ZBTB20: variants seen among roughly 807,000 people sequenced by gnomAD.
The protein encoded by ZBTB20 is zinc finger and BTB domain-containing protein 20.
ZBTB20 carries 9 observed loss-of-function variants against 56.9 expected under a neutral mutation model. The ratio of observed to expected loss-of-function variants is 0.16; its 90% confidence interval spans 0.10 to 0.28. The LOEUF (loss-of-function observed/expected upper bound fraction) is 0.28, where lower values mean the gene tolerates loss of function less well. ZBTB20 is among the 10% of genes least tolerant of loss of function. The pLI is 1.00. For missense variants in ZBTB20, 655 were observed against 1,003.0 expected (o/e 0.65, Z 4.69); for synonymous variants, 417 against 420.7 (o/e 0.99, Z 0.11).
At chr3:115,015,602 G>A (rs1388268449) in intron 2 of ZBTB20, among the ~76,000 whole-genome samples, 2 of 151,812 alleles carry the variant, frequency 1.3e-5, no homozygotes, top group African/African-American at 4.8e-5. Flanking sequence ...AGTTTGCTGA[G>A]GATAATGGCT....
At chr3:114,819,394 T>C (rs75943744) in intron 4 of ZBTB20, among the ~76,000 whole-genome samples, 14,110 of 151,876 alleles carry the variant, frequency 0.093, 690 homozygotes, top group African/African-American at 0.12. Context: ...CAAAGCATTT[T>C]TGAAAAAAGA....
chr3:115,132,406 T>C (rs1188784004), intron 1 of ZBTB20, among the ~76,000 whole-genome samples: 1 of 152,146 alleles, frequency 6.6e-6, no homozygotes. Flanking sequence ...TTCTTACTCA[T>C]TTTTCTAGAT....
At chr3:114,487,096 T>C (rs1439526063) in intron 7 of ZBTB20, among the ~76,000 whole-genome samples, 3 of 152,212 alleles carry the variant, frequency 2.0e-5, no homozygotes, top group African/African-American at 4.8e-5. Context: ...AAGATATATA[T>C]ATGTATATAT....
chr3:114,626,850 C>T (rs972639783), intron 6 of ZBTB20, among the ~76,000 whole-genome samples: 3 of 152,168 alleles, frequency 2.0e-5, no homozygotes, highest in Admixed American at 6.5e-5. Context: ...AGTTGATCAT[C>T]GCAGCCTAAT....
At chr3:114,938,992 C>T (rs2076642510) in intron 3 of ZBTB20, among the ~76,000 whole-genome samples, 1 of 144,636 alleles carries the variant, frequency 6.9e-6, no homozygotes, top group African/African-American at 2.9e-5. Context: ...CAGAAATGTC[C>T]CCGTTCTGGT....
At chr3:115,102,056 C>T (rs551162031) in intron 1 of ZBTB20, among the ~76,000 whole-genome samples, 1 of 152,110 alleles carries the variant, frequency 6.6e-6, no homozygotes, top group Non-Finnish European at 1.5e-5. Flanking sequence ...GGTGGCTAAC[C>T]TACAGCACAG....
At chr3:114,938,045 G>A (rs373675755) in intron 3 of ZBTB20, among the ~76,000 whole-genome samples, 35 of 152,120 alleles carry the variant, frequency 2.3e-4, no homozygotes, top group African/African-American at 8.0e-4. Context: ...GTGAACCCAG[G>A]AGGCGGAGCT....
At chr3:114,382,021 G>T (rs1278946042) in intron 8 of ZBTB20, among the ~76,000 whole-genome samples, 1 of 152,156 alleles carries the variant, frequency 6.6e-6, no homozygotes, top group Non-Finnish European at 1.5e-5. Flanking sequence ...TAAAGATGTA[G>T]CCAAGATCAA....
At position 114,521,973 on chromosome 3, in the gene ZBTB20, T is replaced by C. The variant is rs144163422; in HGVS notation, c.-294-21582A>G. Among the ~76,000 whole-genome samples the C allele has an allele frequency of 7.3e-4, 111 of 152,272 alleles. No individual in the cohort carries two copies. In the East Asian group the frequency reaches 0.019, roughly 26 times the overall value. ...ACGAATATTTACTGAACACTCTCTATGTGCCAGGCTCTGTACTAGGCACTG... is the reference window on the plus strand; with the variant it reads ...ACGAATATTTACTGAACACTCTCTACGTGCCAGGCTCTGTACTAGGCACTG... On this transcript the variant is annotated intron_variant, in intron 6 of 11. Coordinates refer to ENST00000675478, the MANE Select transcript of ZBTB20 (RefSeq NM_001348800.3).
chr3:114,844,032 T>C (rs1050851172), intron 4 of ZBTB20, among the ~76,000 whole-genome samples: 19 of 151,968 alleles, frequency 1.3e-4, no homozygotes, highest in Non-Finnish European at 2.6e-4. Flanking sequence ...GCTACTTTAT[T>C]TGTATTGCTA....
chr3:114,585,945 C>T (rs2055136416), intron 6 of ZBTB20, among the ~76,000 whole-genome samples: 1 of 152,186 alleles, frequency 6.6e-6, no homozygotes, highest in African/African-American at 2.4e-5. Flanking sequence ...AGAGCCAAAA[C>T]GTCAGCAGGG....
chr3:114,520,409 G>A (rs2046510191), intron 6 of ZBTB20, among the ~76,000 whole-genome samples: 1 of 152,166 alleles, frequency 6.6e-6, no homozygotes, highest in Non-Finnish European at 1.5e-5. Context: ...TGTTCGGCAT[G>A]AGATTTTGAG....
chr3:115,120,375 T>C (rs1052836797), intron 1 of ZBTB20, among the ~76,000 whole-genome samples: 2 of 152,134 alleles, frequency 1.3e-5, no homozygotes, highest in African/African-American at 2.4e-5. Context: ...ATTTATCATG[T>C]AGTAGATCTT....
At chr3:114,969,623 C>A (rs1674645520) in intron 3 of ZBTB20, among the ~76,000 whole-genome samples, 1 of 152,188 alleles carries the variant, frequency 6.6e-6, no homozygotes, top group Non-Finnish European at 1.5e-5. Flanking sequence ...CAAATATTTA[C>A]TCGTTCCTTA....
At chr3:114,354,568 T>G (rs1400085992) in intron 10 of ZBTB20, among the ~76,000 whole-genome samples, 5 of 124,862 alleles carry the variant, frequency 4.0e-5, no homozygotes, top group Non-Finnish European at 8.0e-5. Context: ...AACAGGTTTT[T>G]TTTTGTTTTG....
chr3:114,764,385 T>C (rs2068641549), intron 5 of ZBTB20, among the ~76,000 whole-genome samples: 1 of 151,834 alleles, frequency 6.6e-6, no homozygotes, highest in Non-Finnish European at 1.5e-5. Context: ...GCTGCCAAAA[T>C]CAGAACCACA....
intron 6 of ZBTB20, among the ~76,000 whole-genome samples, chr3:114,663,074 G>A (rs1272318412): frequency 6.6e-6 from 1 of 150,576 alleles, no homozygotes; most frequent in African/African-American, 2.5e-5. Context: ...GCAACTCCAA[G>A]ACACACAATT....
At position 114,658,655 on chromosome 3, in the gene ZBTB20, A is replaced by C. The variant is rs563849216; in HGVS notation, c.-295+34873T>G. 2.6e-5 allele frequency: 4 copies of C among 152,304 alleles called. No individual in the cohort carries two copies. The East Asian group carries it at 7.7e-4, about 29-fold the overall frequency. 9.4% of individuals were successfully genotyped at this position (152,304 alleles called of 1,614,324 possible). A position where few individuals can be genotyped will look rare whatever the true frequency, so the allele number is the denominator to read the frequency against. ...CTCCGTGCCTTTCTTGTTCATTTTCATGGAGCAGCCATAAAATGGAGAATA... is the reference window on the plus strand; with the variant it reads ...CTCCGTGCCTTTCTTGTTCATTTTCCTGGAGCAGCCATAAAATGGAGAATA... On this transcript the variant is annotated intron_variant, in intron 6 of 11. Transcript: ENST00000675478.
intron 4 of ZBTB20, among the ~76,000 whole-genome samples, chr3:114,838,351 C>A (rs1050696948): frequency 3.9e-5 from 6 of 152,130 alleles, no homozygotes; most frequent in Non-Finnish European, 7.4e-5. Context: ...AAATATGAGA[C>A]TGTAACCAAA....
Sources: allele counts gnomAD v4.1 joint callset (sites outside exome capture counted in the v4.1 genomes callset), GRCh38; gene constraint gnomAD v4.1.1; transcripts MANE v1.5; gene names NCBI Gene and HGNC (gene_info 2026-07-23, HGNC 2026-07-21).